Variants in ITGA8 observed in about 807,000 individuals in gnomAD.
The protein encoded by ITGA8 is integrin alpha-8.
ITGA8 carries 91 observed loss-of-function variants against 142.3 expected under a neutral mutation model. The observed-to-expected ratio is 0.64, with a 90% CI of 0.54 to 0.76. The LOEUF (loss-of-function observed/expected upper bound fraction) is 0.76, where lower values mean the gene tolerates loss of function less well. ITGA8 is among the 30% of genes least tolerant of loss of function. The pLI is 0.00. For synonymous variants in ITGA8, 505 were observed against 485.2 expected (o/e 1.04, Z -0.54); for missense variants, 1,406 against 1,327.7 (o/e 1.06, Z -0.92).
At chr10:15,519,645 TTTGCATCACAGAAACCC>T (rs1417158865) in intron 28 of ITGA8, among the ~76,000 whole-genome samples, 1 of 152,024 alleles carries the variant, frequency 6.6e-6, no homozygotes, top group East Asian at 1.9e-4. Context: ...GGTGGGTGGC[TTTGCATCACAGAAACCC>T]TAGAATAGAA....
chr10:15,627,129 T>G (rs1332818475), intron 13 of ITGA8, among the ~76,000 whole-genome samples: 2 of 152,058 alleles, frequency 1.3e-5, no homozygotes, highest in Middle Eastern at 3.4e-3. Context: ...CTACTTAGAG[T>G]CTATCAATCA....
intron 12 of ITGA8, 30 bp from the exon 13 acceptor site, chr10:15,644,251 T>C (rs955096982): frequency 1.3e-6 from 2 of 1,583,548 alleles, no homozygotes; most frequent in Non-Finnish European, 1.7e-6. Flanking sequence ...ATGTTTTATG[T>C]GTATATGTAT....
At chr10:15,665,131 A>G (rs1247363782) in intron 8 of ITGA8, among the ~76,000 whole-genome samples, 1 of 152,226 alleles carries the variant, frequency 6.6e-6, no homozygotes, top group Non-Finnish European at 1.5e-5. Context: ...CAGTTCCACC[A>G]ACAGTGTGAA....
intron 2 of ITGA8, among the ~76,000 whole-genome samples, chr10:15,704,665 C>A (rs190102858): frequency 1.5e-4 from 23 of 152,208 alleles, no homozygotes; most frequent in African/African-American, 5.3e-4. Flanking sequence ...CTTCTGATGG[C>A]CAGGAACACA....
intron 14 of ITGA8, among the ~76,000 whole-genome samples, chr10:15,615,758 C>T (rs1416920666): frequency 6.6e-6 from 1 of 152,166 alleles, no homozygotes; most frequent in East Asian, 1.9e-4. Context: ...AAGTGATCCG[C>T]CCACCTCGGC....
intron 8 of ITGA8, among the ~76,000 whole-genome samples, chr10:15,667,419 A>C (rs900862087): frequency 6.6e-6 from 1 of 151,182 alleles, no homozygotes; most frequent in African/African-American, 2.4e-5. Flanking sequence ...TTTCTTCTTT[A>C]TTAGTCTTGC....
At chr10:15,529,308 T>A (rs1833245411) in intron 28 of ITGA8, among the ~76,000 whole-genome samples, 2 of 152,210 alleles carry the variant, frequency 1.3e-5, no homozygotes, top group Admixed American at 1.3e-4. Flanking sequence ...GACACTAACT[T>A]GTTCCAGGTA....
At chr10:15,677,504 TAGAA>T in intron 6 of ITGA8, 84 bp downstream of exon 6, 3 of 1,028,340 alleles carry the variant, frequency 2.9e-6, no homozygotes, top group Non-Finnish European at 4.4e-6. Context: ...ATTAAGGTAA[TAGAA>T]AGTAAACATT....
intron 2 of ITGA8, among the ~76,000 whole-genome samples, chr10:15,711,290 A>G (rs1835358977): frequency 6.6e-6 from 1 of 152,164 alleles, no homozygotes; most frequent in African/African-American, 2.4e-5. Flanking sequence ...GTTCAGCCTT[A>G]CTTAGGAGCG....
At chr10:15,652,413 A>G (rs957645521) in intron 11 of ITGA8, among the ~76,000 whole-genome samples, 1 of 149,918 alleles carries the variant, frequency 6.7e-6, no homozygotes, top group Non-Finnish European at 1.5e-5. Flanking sequence ...GTGGGAAGAA[A>G]TGTGTCTGTG....
At chr10:15,619,744 T>A (rs1309238379) in intron 13 of ITGA8, among the ~76,000 whole-genome samples, 1 of 152,202 alleles carries the variant, frequency 6.6e-6, no homozygotes, top group Non-Finnish European at 1.5e-5. Context: ...AGCTACCGAT[T>A]TGAAGAAACA....
Position 15,677,591 on chromosome 10 carries a change from C to A in ITGA8, c.676+1G>T. The A allele has an allele frequency of 6.2e-7, 1 of 1,613,318 alleles. No individual in the cohort carries two copies. The highest frequency in any genetic ancestry group is 8.5e-7 in the Non-Finnish European group (1 of 1,179,600). On this transcript the variant is annotated splice_donor_variant, in intron 6 of 29. Transcript: ENST00000378076. LOFTEE classifies it high-confidence loss of function. ...TTTTCTTGTCTGCCAACAGAACATA[C>A]CTTGCCAGTAGAAACTCCCAGGTCC... is the stretch of plus-strand genomic sequence containing the variant.
intron 14 of ITGA8, 70 bp downstream of exon 14, chr10:15,616,444 T>G (rs1274824074): frequency 1.7e-6 from 2 of 1,168,386 alleles, no homozygotes; most frequent in African/African-American, 1.5e-5. Flanking sequence ...ATGCTCTCTT[T>G]AAGGCAGAAC....
At chr10:15,567,583 C>T (rs1230680866) in intron 25 of ITGA8, among the ~76,000 whole-genome samples, 2 of 152,198 alleles carry the variant, frequency 1.3e-5, no homozygotes. Flanking sequence ...CCTAAACTTA[C>T]AGAAAACACA....
intron 25 of ITGA8, among the ~76,000 whole-genome samples, chr10:15,561,327 T>C (rs1405598208): frequency 6.7e-6 from 1 of 150,280 alleles, no homozygotes; most frequent in Admixed American, 6.7e-5. Flanking sequence ...AGTAAACAGG[T>C]GGTAACACTA....
chr10:15,541,628 A>G (rs1046680546), intron 27 of ITGA8, among the ~76,000 whole-genome samples: 9 of 152,226 alleles, frequency 5.9e-5, no homozygotes, highest in Non-Finnish European at 1.2e-4. Context: ...TCATTAAAGC[A>G]TTATGAGTAG....
intron 22 of ITGA8, 141 bp downstream of exon 22, chr10:15,592,084 A>G: frequency 1.8e-6 from 1 of 552,714 alleles, no homozygotes; most frequent in Non-Finnish European, 3.2e-6. Flanking sequence ...GAGAAAAACA[A>G]AGAAGAAATG....
rs769892436 is a variant in ITGA8, at chr10:15,671,598, C to T, written c.847+5G>A. On this transcript the variant is annotated splice_donor_5th_base_variant and intron_variant, in intron 8 of 29. Coordinates refer to ENST00000378076, the MANE Select transcript of ITGA8 (RefSeq NM_003638.3). The stretch of plus-strand genomic sequence containing the variant: ...AAGTGATTTAAACTCAACAGTGCCT[C>T]TCACCTTGCTGAGAATCCCCAGTAA... 4 of 1,611,684 alleles carry T rather than the reference C, an allele frequency of 2.5e-6. No homozygotes were observed. Among genetic ancestry groups the T allele is most frequent in the Non-Finnish European group, 2.5e-6 (3 of 1,178,070 alleles).
chr10:15,553,112 C>G (rs1361025995), intron 26 of ITGA8, among the ~76,000 whole-genome samples: 1 of 152,010 alleles, frequency 6.6e-6, no homozygotes, highest in Non-Finnish European at 1.5e-5. Context: ...CAAAAATTAG[C>G]CGGGCATGGT....
Sources: gnomAD v4.1 joint callset for allele counts (sites outside exome capture counted in the v4.1 genomes callset) on GRCh38, gnomAD v4.1.1 for gene constraint, MANE v1.5 for transcripts, NCBI Gene and HGNC (gene_info 2026-07-23, HGNC 2026-07-21) for gene names.